The following ABCD3 variants were observed in gnomAD, a reference collection of about 807,000 sequenced individuals.
ABCD3 encodes ATP binding cassette subfamily D member 3.
ABCD3 carries 41 observed loss-of-function variants against 105.5 expected under a neutral mutation model. The ratio of observed to expected loss-of-function variants is 0.39; its 90% CI spans 0.30 to 0.50. ABCD3 has a LOEUF of 0.50. Ranked by LOEUF, ABCD3 falls within the 20% of genes least tolerant of loss-of-function variation. The pLI is 0.84. For synonymous variants in ABCD3, 258 were observed against 269.0 expected, an observed-to-expected ratio of 0.96 and a Z score of 0.40; for missense variants, 622 against 806.3, an observed-to-expected ratio of 0.77 and a Z score of 2.77.
At chr1:94,407,350 A>G in the ABCD3 span, among the ~76,000 whole-genome samples, 1 of 151,992 alleles carries the variant, frequency 6.6e-6, no homozygotes, top group Non-Finnish European at 1.5e-5. Context: ...GGGTTTCTCC[A>G]TATTGGTCAG....
At chr1:94,510,907 C>T (rs951838771) in intron 21 of ABCD3, among the ~76,000 whole-genome samples, 20 of 152,040 alleles carry the variant, frequency 1.3e-4, no homozygotes, top group Non-Finnish European at 2.6e-4. Flanking sequence ...GATGGGTTTC[C>T]TGAATACAGC....
chr1:94,429,665 C>G (rs1354546310), intron 1 of ABCD3, among the ~76,000 whole-genome samples: 12 of 152,206 alleles, frequency 7.9e-5, no homozygotes, highest in Non-Finnish European at 1.6e-4. Context: ...TGCGAGTGCA[C>G]AGAAGTCAAG....
At chr1:94,387,123 C>A in the ABCD3 span, among the ~76,000 whole-genome samples, 2 of 152,180 alleles carry the variant, frequency 1.3e-5, no homozygotes, top group Non-Finnish European at 2.9e-5. Flanking sequence ...TATGCTTAAA[C>A]CTTTATTTCA....
At chr1:94,460,748 AT>A (rs1235076874) in intron 2 of ABCD3, among the ~76,000 whole-genome samples, 1 of 151,998 alleles carries the variant, frequency 6.6e-6, no homozygotes, top group Non-Finnish European at 1.5e-5. Context: ...TGACATCAAG[AT>A]TGTTGTTCTT....
intron 22 of ABCD3, among the ~76,000 whole-genome samples, chr1:94,515,653 C>T (rs1045034601): frequency 6.6e-6 from 1 of 151,918 alleles, no homozygotes; most frequent in Non-Finnish European, 1.5e-5. Flanking sequence ...TAGATAGTCA[C>T]TATAATTTAC....
At position 94,506,680 on chromosome 1, in the gene ABCD3, T is replaced by C. The variant is rs764119210; in HGVS notation, c.1845+38T>C. ...GTGCTCAGTTTGAGGAGCCATGGCC[T>C]CCTACCTAGTGTAAACTATGTCCAA... On this transcript the variant is annotated intron_variant, in intron 21 of 22. Coordinates refer to ENST00000370214, the MANE Select transcript of ABCD3 (RefSeq NM_002858.4). 35 of 1,431,056 alleles carry C rather than the reference T, an allele frequency of 2.4e-5. 1 individual carries two copies. The Middle Eastern group carries it at 3.9e-3, about 158-fold the overall frequency. 88.6% of individuals were successfully genotyped at this position (1,431,056 alleles called of 1,614,324 possible).
chr1:94,404,529 CT>C, the ABCD3 span, among the ~76,000 whole-genome samples: 3 of 151,790 alleles, frequency 2.0e-5, no homozygotes, highest in African/African-American at 7.3e-5. Flanking sequence ...CCTTCTTATT[CT>C]TATTCATTGA....
intron 20 of ABCD3, among the ~76,000 whole-genome samples, chr1:94,503,551 GA>G (rs1650207133): frequency 6.6e-6 from 1 of 152,046 alleles, no homozygotes; most frequent in African/African-American, 2.4e-5. Context: ...TTCTCTTGTG[GA>G]AAGACATTTT....
chr1:94,505,346 A>C (rs1650298921), intron 20 of ABCD3, among the ~76,000 whole-genome samples: 1 of 150,354 alleles, frequency 6.7e-6, no homozygotes, highest in African/African-American at 2.4e-5. Context: ...TTGGAACCAC[A>C]GATGAACACC....
chr1:94,403,599 A>C, the ABCD3 span, among the ~76,000 whole-genome samples: 1 of 151,936 alleles, frequency 6.6e-6, no homozygotes, highest in African/African-American at 2.4e-5. Flanking sequence ...TTTCTCCACT[A>C]TTATTTATTT....
At position 94,491,116 on chromosome 1, in the gene ABCD3, T is replaced by G. The variant is rs537046175; in HGVS notation, c.1323-68T>G. On this transcript the variant is annotated intron_variant, in intron 15 of 22. Transcript: ENST00000370214. ...TTTTTAATCAGGTTATTTGTATTTT[T>G]GGTATTGAGTTGTATTAGTTCCTTA... The G allele has an allele frequency of 2.4e-5, 26 of 1,074,444 alleles. No homozygotes were observed. The East Asian group carries it at 6.1e-4, about 25-fold the overall frequency. The allele number at this position is 1,074,444 out of a possible 1,614,324, so 66.6% of individuals were successfully genotyped here. A position where few individuals can be genotyped will look rare whatever the true frequency, so the allele number is the denominator to read the frequency against.
chr1:94,404,296 T>C, the ABCD3 span, among the ~76,000 whole-genome samples: 1 of 152,194 alleles, frequency 6.6e-6, no homozygotes, highest in East Asian at 1.9e-4. Context: ...AAGTCTACTA[T>C]AATGAGTTCA....
intron 1 of ABCD3, among the ~76,000 whole-genome samples, chr1:94,432,361 A>G (rs1046029117): frequency 6.6e-5 from 10 of 152,152 alleles, no homozygotes; most frequent in African/African-American, 2.2e-4. Flanking sequence ...GTGTTTTGCT[A>G]AGGGGTAAAA....
intron 2 of ABCD3, among the ~76,000 whole-genome samples, chr1:94,461,909 T>G (rs1465819226): frequency 1.3e-5 from 2 of 152,156 alleles, no homozygotes; most frequent in Admixed American, 6.6e-5. Context: ...TGTACCAGTT[T>G]TCACTTTTCC....
chr1:94,500,523 T>C (rs1369030016), intron 20 of ABCD3, among the ~76,000 whole-genome samples: 1 of 152,166 alleles, frequency 6.6e-6, no homozygotes, highest in Non-Finnish European at 1.5e-5. Flanking sequence ...TAAAGAGTCA[T>C]TTTTTAACTA....
chr1:94,439,583 A>G (rs899514584), intron 1 of ABCD3, among the ~76,000 whole-genome samples: 1 of 152,136 alleles, frequency 6.6e-6, no homozygotes, highest in East Asian at 1.9e-4. Flanking sequence ...CAGTGAACTG[A>G]TTGTGCTGCT....
chr1:94,413,827 A>C (rs115094857), upstream of ABCD3, among the ~76,000 whole-genome samples: 9 of 152,178 alleles, frequency 5.9e-5, no homozygotes, highest in Admixed American at 2.0e-4. Context: ...ACCCTACTAC[A>C]TATTAATAGA....
chr1:94,472,369 T>A (rs1648522580), intron 4 of ABCD3: 1 of 199,604 alleles, frequency 5.0e-6, no homozygotes, highest in Non-Finnish European at 9.0e-6. Context: ...CCTTTTGTAC[T>A]GTCTTGATTG....
At position 94,464,866 on chromosome 1, in the gene ABCD3, G is replaced by A; in HGVS notation, c.239G>A (p.Cys80Tyr). 1.2e-6 allele frequency: 2 copies of A among 1,612,268 alleles called. No homozygotes were observed. Among genetic ancestry groups the A allele is most frequent in the Non-Finnish European group, 1.7e-6 (2 of 1,178,420 alleles). The change falls in exon 3 of 23, where the codon TGT (cysteine) becomes TAT (tyrosine). Residue 80 changes from cysteine (C) to tyrosine (Y), a missense_variant. Coordinates refer to ENST00000370214, the MANE Select transcript of ABCD3 (RefSeq NM_002858.4). ...ILKIMVPRTF[C>Y]KETGYLVLIA... is the part of the protein sequence containing the mutation. ...AAAATCATGGTCCCTAGAACATTTT[G>A]TAAAGAGGTAAGTCTTATGAAATTA...
Sources: allele counts gnomAD v4.1 joint callset (sites outside exome capture counted in the v4.1 genomes callset), GRCh38; gene constraint gnomAD v4.1.1; transcripts MANE v1.5; gene names NCBI Gene and HGNC (gene_info 2026-07-23, HGNC 2026-07-21).